UNC80: variants seen among roughly 807,000 people sequenced by gnomAD.
UNC80 encodes unc-80 subunit of NALCN channel complex.
Under a neutral mutation model 384.6 loss-of-function variants are expected in UNC80, and 164 were observed. The observed-to-expected ratio is 0.43, with a 90% CI of 0.38 to 0.49. The LOEUF (loss-of-function observed/expected upper bound fraction) is 0.49, where lower values mean the gene tolerates loss of function less well. UNC80 is among the 20% of genes least tolerant of loss of function. The pLI, the probability that UNC80 is intolerant of heterozygous loss-of-function variation, is 0.00. For synonymous variants in UNC80, 1,486 were observed against 1,527.8 expected (o/e 0.97, Z 0.64); for missense variants, 3,330 against 4,143.0 (o/e 0.80, Z 5.39).
At chr2:209,922,956 T>G (rs1196438184) in intron 35 of UNC80, among the ~76,000 whole-genome samples, 1 of 152,240 alleles carries the variant, frequency 6.6e-6, no homozygotes, top group Non-Finnish European at 1.5e-5. Flanking sequence ...GTAAAAGTAT[T>G]CATTCAAATC....
intron 22 of UNC80, among the ~76,000 whole-genome samples, chr2:209,857,431 T>C (rs889732894): frequency 1.4e-4 from 22 of 152,218 alleles, no homozygotes; most frequent in African/African-American, 5.1e-4. Context: ...GAATACATTC[T>C]TATTAGTTCT....
chr2:209,837,073 T>C (rs2081378396), intron 18 of UNC80, among the ~76,000 whole-genome samples: 1 of 152,158 alleles, frequency 6.6e-6, no homozygotes, highest in Non-Finnish European at 1.5e-5. Flanking sequence ...CTGATTTAAA[T>C]TCATACCATA....
chr2:209,888,138 G>A lies in UNC80; in HGVS notation c.4154G>A (p.Arg1385Gln), dbSNP rs2086000139. The change falls in exon 26 of 65, where the codon CGG becomes CAG. Residue 1385 changes from arginine (R) to glutamine (Q), a missense_variant. Physicochemically the swap from Arg to Gln is conservative, Grantham distance 43. This residue lies in a region of UNC80 where 801 missense variants were observed against 950.8 expected (regional missense o/e 0.84). Coordinates refer to ENST00000673920, the MANE Select transcript of UNC80 (RefSeq NM_001371986.1). ...CTTCGTTTGGATCCCGAGTTGGACC[G>A]GCACAGATATGAGAGGAAGATCAGC... ...CRLRLDPELD[R>Q]HRYERKISFA... is the part of the protein sequence containing the mutation. 6 of 1,551,610 alleles carry A rather than the reference G, an allele frequency of 3.9e-6. No homozygotes were observed. The highest frequency in any genetic ancestry group is 5.2e-6 in the Non-Finnish European group (6 of 1,146,984).
At chr2:209,810,017 C>T (rs1011920287) in intron 7 of UNC80, among the ~76,000 whole-genome samples, 3 of 152,320 alleles carry the variant, frequency 2.0e-5, no homozygotes, top group African/African-American at 7.2e-5. Context: ...GGCCACCCTC[C>T]GCGAGGTTTG....
intron 26 of UNC80, among the ~76,000 whole-genome samples, chr2:209,892,068 A>G (rs1356920316): frequency 6.6e-6 from 1 of 152,142 alleles, no homozygotes; most frequent in Non-Finnish European, 1.5e-5. Context: ...ATTTTGTTTT[A>G]AGTGCATTAG....
At chr2:209,797,382 T>A (rs887779507) in intron 7 of UNC80, among the ~76,000 whole-genome samples, 1 of 152,154 alleles carries the variant, frequency 6.6e-6, no homozygotes, top group Non-Finnish European at 1.5e-5. Flanking sequence ...ATCCATGTGT[T>A]CTCAATGTTC....
At chr2:209,847,483 T>C (rs2082253341) in intron 21 of UNC80, among the ~76,000 whole-genome samples, 1 of 152,040 alleles carries the variant, frequency 6.6e-6, no homozygotes, top group Non-Finnish European at 1.5e-5. Flanking sequence ...CGTCCTGTGC[T>C]TATAGGATTC....
At position 209,994,141 on chromosome 2, in the gene UNC80, A is replaced by G. The variant is rs2093442576; in HGVS notation, c.9585A>G (p.Ala3195=). 1.3e-6 allele frequency: 2 copies of G among 1,551,760 alleles called. No individual in the cohort carries two copies. The highest frequency in any genetic ancestry group is 1.2e-5 in the South Asian group (1 of 84,062). ...CTGCCCCAACAGATGCGCTTCCTGC[A>G]ACAGGCCAACTACAGGGCTGTAGCC... ...PAAAPTDALP[A]TGQLQGCSPA... is the part of the protein sequence containing the mutation. Residue 3195 remains alanine, a synonymous_variant, in exon 64 of 65, where the codon GCA becomes GCG. Transcript: ENST00000673920.
In UNC80 at chr2:209,799,809, C is replaced by T. The variant is rs562422794; in HGVS notation, c.938+5950C>T. ...TGTTGGGTTTTATCAAAGGTCTTTTCTGTGTCTATTGAGATAATCATGTGC... is the reference window on the plus strand; with the variant it reads ...TGTTGGGTTTTATCAAAGGTCTTTTTTGTGTCTATTGAGATAATCATGTGC... On this transcript the variant is annotated intron_variant, in intron 7 of 64. Transcript: ENST00000673920. Among the ~76,000 whole-genome samples the T allele has an allele frequency of 1.1e-3, 174 of 152,258 alleles. 2 individuals carry two copies. The highest frequency in any genetic ancestry group is 4.1e-3 in the African/African-American group (170 of 41,546).
rs1559359137 is a variant in UNC80, at chr2:209,936,950, G to C, written c.6363+17G>C. The C allele has an allele frequency of 4.7e-6, 7 of 1,501,988 alleles. No individual in the cohort carries two copies. Among genetic ancestry groups the C allele is most frequent in the Non-Finnish European group, 6.4e-6 (7 of 1,101,962 alleles). The allele number at this position is 1,501,988 out of a possible 1,614,324, so 93.0% of individuals were successfully genotyped here. A position where few individuals can be genotyped will look rare whatever the true frequency, so the allele number is the denominator to read the frequency against. The stretch of plus-strand genomic sequence containing the variant: ...TACAATAAGGTGAGACACCAGTAGT[G>C]ACATCCCCGTTGAGTTGTGCCAAAG... On this transcript the variant is annotated intron_variant, in intron 41 of 64. Transcript: ENST00000673920.
At position 209,997,393 on chromosome 2, in the gene UNC80, A is replaced by G. The variant is rs1274347387; in HGVS notation, c.*1798A>G. On this transcript the variant is annotated 3_prime_UTR_variant, in exon 65 of 65. Coordinates refer to ENST00000673920, the MANE Select transcript of UNC80 (RefSeq NM_001371986.1). ...TTCACCTGTTAAAAATTATGCTGCT[A>G]AATTAGCATTAGAGGCCTTATGTTT... The G allele has an allele frequency of 2.0e-5, 3 of 152,190 alleles. No individual in the cohort carries two copies. Among genetic ancestry groups the G allele is most frequent in the African/African-American group, 7.2e-5 (3 of 41,452 alleles). The allele number at this position is 152,190 out of a possible 1,614,324, so 9.4% of individuals were successfully genotyped here.
intron 20 of UNC80, 120 bp from the exon 21 acceptor site, chr2:209,842,230 G>A (rs545501571): frequency 2.8e-6 from 2 of 721,268 alleles, no homozygotes; most frequent in East Asian, 5.4e-5. Context: ...GAAGCCAGAA[G>A]AGCAAAGTAA....
At chr2:209,934,075 G>A (rs1254383221) in intron 39 of UNC80, 70 bp downstream of exon 39, 10 of 1,369,774 alleles carry the variant, frequency 7.3e-6, no homozygotes, top group Non-Finnish European at 7.8e-6. Flanking sequence ...GAAAGACTAA[G>A]AGTCTCTTTC....
At chr2:209,792,214 G>C (rs1052504996) in intron 6 of UNC80, among the ~76,000 whole-genome samples, 4 of 152,178 alleles carry the variant, frequency 2.6e-5, no homozygotes, top group African/African-American at 9.7e-5. Flanking sequence ...TAAGTGGAGA[G>C]GATCACCTGA....
At chr2:209,880,516 T>G (rs1296848085) in intron 24 of UNC80, among the ~76,000 whole-genome samples, 1 of 152,148 alleles carries the variant, frequency 6.6e-6, no homozygotes, top group Non-Finnish European at 1.5e-5. Context: ...TTTTTATAGC[T>G]CCAAATCTAG....
intron 58 of UNC80, among the ~76,000 whole-genome samples, chr2:209,977,880 T>C (rs757362793): frequency 6.6e-6 from 1 of 152,242 alleles, no homozygotes; most frequent in East Asian, 1.9e-4. Context: ...TGATAGGTTT[T>C]CTTTTTTGTG....
intron 43 of UNC80, among the ~76,000 whole-genome samples, chr2:209,940,667 A>T (rs970247762): frequency 6.6e-6 from 1 of 152,128 alleles, no homozygotes; most frequent in East Asian, 1.9e-4. Context: ...TACAAAAAAA[A>T]TTAGCTGGGC....
intron 24 of UNC80, among the ~76,000 whole-genome samples, chr2:209,879,235 C>A (rs1377757414): frequency 2.6e-5 from 4 of 152,060 alleles, no homozygotes; most frequent in African/African-American, 9.7e-5. Flanking sequence ...AATCACGGAA[C>A]CTAGGGAAGG....
chr2:209,950,958 A>G (rs932999876), intron 47 of UNC80, among the ~76,000 whole-genome samples: 5 of 151,930 alleles, frequency 3.3e-5, no homozygotes, highest in African/African-American at 1.2e-4. Flanking sequence ...GGATTGCATG[A>G]TTTCAGGAGT....
Sources: allele counts gnomAD v4.1 joint callset (sites outside exome capture counted in the v4.1 genomes callset), GRCh38; gene constraint gnomAD v4.1.1; regional missense constraint gnomAD v4.1.1; transcripts MANE v1.5; gene names NCBI Gene and HGNC (gene_info 2026-07-23, HGNC 2026-07-21).